The following GSDME variants were observed in gnomAD, a reference collection of about 807,000 sequenced individuals.
The protein encoded by GSDME is gasdermin-E.
A neutral mutation model predicts 47.5 loss-of-function variants in GSDME; 44 were observed. The observed-to-expected ratio is 0.93, with a 90% CI of 0.73 to 1.19. The LOEUF (loss-of-function observed/expected upper bound fraction) is 1.19. GSDME is among the 50% of genes most tolerant of loss of function. The pLI, the probability that GSDME is intolerant of heterozygous loss-of-function variation, is 0.00. For synonymous variants in GSDME, 258 were observed against 252.8 expected, an observed-to-expected ratio of 1.02 and a Z score of -0.20; for missense variants, 663 against 604.2, an observed-to-expected ratio of 1.10 and a Z score of -1.02.
intron 2 of GSDME, among the ~76,000 whole-genome samples, chr7:24,747,674 T>A (rs963181732): frequency 5.9e-5 from 9 of 152,150 alleles, no homozygotes; most frequent in African/African-American, 2.2e-4. Context: ...TTAATCATTT[T>A]TTTTTTCTTA....
At chr7:24,707,461 C>T (rs1001898606) in intron 7 of GSDME, 1 of 471,222 alleles carries the variant, frequency 2.1e-6, no homozygotes, top group Non-Finnish European at 4.4e-6. Context: ...CTATTTATTT[C>T]TCTGTTCTAA....
intron 9 of GSDME, 31 bp downstream of exon 9, chr7:24,702,729 A>C: frequency 6.2e-7 from 1 of 1,600,910 alleles, no homozygotes; most frequent in Non-Finnish European, 8.6e-7. Context: ...ATTCCTATCC[A>C]TTCTAAGGTC....
chr7:24,716,880 C>G lies in GSDME; in HGVS notation c.697+374G>C, dbSNP rs1355822729. On this transcript the variant is annotated intron_variant, in intron 5 of 9. Transcript: ENST00000645220. This position sits in a 1 kb window ranked among gnomAD's most constrained non-coding sequence, Gnocchi z 4.5. ...CAGAGACAGGGAAGCCAAGACTCAGCAAGATTCAGCAACTTGCCTGAGACC... is the reference window on the plus strand; with the variant it reads ...CAGAGACAGGGAAGCCAAGACTCAGGAAGATTCAGCAACTTGCCTGAGACC... The G allele has an allele frequency of 3.1e-6, 1 of 318,236 alleles. No homozygotes were observed. Among genetic ancestry groups the G allele is most frequent in the East Asian group, 7.5e-5 (1 of 13,364 alleles). 19.7% of individuals were successfully genotyped at this position (318,236 alleles called of 1,614,324 possible). A position where few individuals can be genotyped will look rare whatever the true frequency, so the allele number is the denominator to read the frequency against.
At chr7:24,781,762 G>T in the GSDME span, among the ~76,000 whole-genome samples, 1 of 150,374 alleles carries the variant, frequency 6.7e-6, no homozygotes. Flanking sequence ...GGTGGGGGTG[G>T]GGACAAGGTT....
chr7:24,795,378 C>A, the GSDME span, among the ~76,000 whole-genome samples: 4 of 152,176 alleles, frequency 2.6e-5, no homozygotes, highest in Non-Finnish European at 5.9e-5. Context: ...CAGACAAAAC[C>A]CCTCAGACAC....
At chr7:24,795,054 T>G in the GSDME span, among the ~76,000 whole-genome samples, 33 of 152,186 alleles carry the variant, frequency 2.2e-4, no homozygotes, top group East Asian at 6.0e-3. Context: ...ACGCTTCCAC[T>G]CAGATGGAGT....
upstream of GSDME, among the ~76,000 whole-genome samples, chr7:24,761,817 C>T (rs1791169738): frequency 6.6e-6 from 1 of 152,216 alleles, no homozygotes; most frequent in Non-Finnish European, 1.5e-5. This position sits in a 1 kb window ranked among gnomAD's most constrained non-coding sequence, Gnocchi z 4.4. Context: ...AGTCTTATGA[C>T]ATAATCTCTA....
Position 24,742,914 on chromosome 7 carries a change from G to C in GSDME, c.404+1648C>G, listed in dbSNP as rs1253349631. 6.6e-6 allele frequency among the ~76,000 whole-genome samples: 1 copy of C among 152,248 alleles called. No homozygotes were observed. The highest frequency in any genetic ancestry group is 2.4e-5 in the African/African-American group (1 of 41,468). ...GACTCTAGCAAAGATAAGCTGTAGA[G>C]AAAGGAAAATAAAGATCATGACTGC... On this transcript the variant is annotated intron_variant, in intron 3 of 9. Transcript: ENST00000645220. The surrounding 1 kb of genome is among the most constrained non-coding windows in gnomAD (Gnocchi z 4.4).
intron 3 of GSDME, among the ~76,000 whole-genome samples, chr7:24,730,983 T>G (rs2128058094): frequency 6.6e-6 from 1 of 152,240 alleles, no homozygotes; most frequent in Non-Finnish European, 1.5e-5. Flanking sequence ...AGACAAGCTT[T>G]CAGGGGCTCA....
chr7:24,788,642 A>C, the GSDME span, among the ~76,000 whole-genome samples: 2 of 152,230 alleles, frequency 1.3e-5, no homozygotes, highest in Non-Finnish European at 1.5e-5. This position sits in a 1 kb window ranked among gnomAD's most constrained non-coding sequence, Gnocchi z 4.6. Context: ...ATTAACGGTG[A>C]TAATGCTGGT....
At chr7:24,752,867 G>T (rs147837828) in intron 1 of GSDME, among the ~76,000 whole-genome samples, 1 of 152,146 alleles carries the variant, frequency 6.6e-6, no homozygotes, top group African/African-American at 2.4e-5. Context: ...ACCAAATCAG[G>T]CTTGCCATTA....
rs1789930833 is a variant in GSDME, at chr7:24,725,364, G to A, written c.405-6146C>T. On this transcript the variant is annotated intron_variant, in intron 3 of 9. Coordinates refer to ENST00000645220, the MANE Select transcript of GSDME (RefSeq NM_001127453.2). This position sits in a 1 kb window ranked among gnomAD's most constrained non-coding sequence, Gnocchi z 5.1. ...GCAAGTCAAGACCCCTTTCCAGGGT[G>A]GTCAAAGAAATGGCCAGAATTTTCA... Among the ~76,000 whole-genome samples, 1 of 152,104 alleles carries A rather than the reference G, an allele frequency of 6.6e-6. No homozygotes were observed. The highest frequency in any genetic ancestry group is 1.5e-5 in the Non-Finnish European group (1 of 68,022).
chr7:24,777,560 C>G, the GSDME span, among the ~76,000 whole-genome samples: 121 of 152,276 alleles, frequency 7.9e-4, no homozygotes, highest in East Asian at 0.022. Flanking sequence ...GAAGCCCACA[C>G]CTAAGACTGA....
rs1177283388 is a variant in GSDME at position 24,735,004 on chromosome 7, A to C, written c.404+9558T>G. Among the ~76,000 whole-genome samples the C allele has an allele frequency of 2.0e-5, 3 of 152,182 alleles. No individual in the cohort carries two copies. Among genetic ancestry groups the C allele is most frequent in the Non-Finnish European group, 2.9e-5 (2 of 68,026 alleles). On this transcript the variant is annotated intron_variant, in intron 3 of 9. Transcript: ENST00000645220. This position sits in a 1 kb window ranked among gnomAD's most constrained non-coding sequence, Gnocchi z 4.4. ...GAAGACTATCTCAAGGCATTTAATAAGCAAATTCCCAAAAATCAAGGATAA... is the reference window on the plus strand; with the variant it reads ...GAAGACTATCTCAAGGCATTTAATACGCAAATTCCCAAAAATCAAGGATAA...
chr7:24,747,757 C>T (rs1199732906), intron 2 of GSDME, among the ~76,000 whole-genome samples: 1 of 152,024 alleles, frequency 6.6e-6, no homozygotes, highest in Non-Finnish European at 1.5e-5. Flanking sequence ...AGCCTCAACC[C>T]CCTGGGTTCA....
At chr7:24,785,647 G>C in the GSDME span, among the ~76,000 whole-genome samples, 1 of 152,110 alleles carries the variant, frequency 6.6e-6, no homozygotes, top group African/African-American at 2.4e-5. Context: ...AGCAGAGATG[G>C]GGTTTCACCA....
Position 24,736,491 on chromosome 7 carries a change from T to C in GSDME, c.404+8071A>G, listed in dbSNP as rs191719704. Among the ~76,000 whole-genome samples, 341 of 152,346 alleles carry C rather than the reference T, an allele frequency of 2.2e-3. 1 individual carries two copies. The highest frequency in any genetic ancestry group is 8.0e-3 in the African/African-American group (331 of 41,600). On this transcript the variant is annotated intron_variant, in intron 3 of 9. Coordinates refer to ENST00000645220, the MANE Select transcript of GSDME (RefSeq NM_001127453.2). The surrounding 1 kb of genome is among the most constrained non-coding windows in gnomAD (Gnocchi z 4.6). ...AGGATATAACAATTGTAAATATTTA[T>C]GTACCCAACACTGGAGCACCCAGAT...
the GSDME span, among the ~76,000 whole-genome samples, chr7:24,765,216 C>G: frequency 6.6e-6 from 1 of 152,100 alleles, no homozygotes; most frequent in Non-Finnish European, 1.5e-5. Flanking sequence ...ATAAATAGCC[C>G]CTAGAGAAGT....
rs1398243474 is a variant in GSDME at position 24,739,153 on chromosome 7, C to G, written c.404+5409G>C. 2.0e-5 allele frequency among the ~76,000 whole-genome samples: 3 copies of G among 152,156 alleles called. No homozygotes were observed. The highest frequency in any genetic ancestry group is 7.2e-5 in the African/African-American group (3 of 41,440). ...AAATGGAATCATATCAAGTTAAAGA[C>G]TTCTGCACAGCAATGAAACAACAAA... On this transcript the variant is annotated intron_variant, in intron 3 of 9. Coordinates refer to ENST00000645220, the MANE Select transcript of GSDME (RefSeq NM_001127453.2). This position sits in a 1 kb window ranked among gnomAD's most constrained non-coding sequence, Gnocchi z 5.1.
Sources: gnomAD v4.1 joint callset for allele counts (sites outside exome capture counted in the v4.1 genomes callset) on GRCh38, gnomAD v4.1.1 for gene constraint, Gnocchi (gnomAD v3.1) non-coding constraint, MANE v1.5 for transcripts, NCBI Gene and HGNC (gene_info 2026-07-23, HGNC 2026-07-21) for gene names.